Variants in MND1 observed in about 807,000 individuals in gnomAD.
MND1 encodes meiotic nuclear division protein 1 homolog.
Under a neutral mutation model 35.1 loss-of-function variants are expected in MND1, and 28 were observed. The observed-to-expected ratio is 0.80, with a 90% CI of 0.59 to 1.09. The LOEUF (loss-of-function observed/expected upper bound fraction) is 1.09, where lower values mean the gene tolerates loss of function less well. Ranked by LOEUF, MND1 falls within the 50% of genes least tolerant of loss-of-function variation. The pLI, the probability that MND1 is intolerant of heterozygous loss-of-function variation, is 0.00. For synonymous variants in MND1, 69 were observed against 70.5 expected (o/e 0.98, Z 0.11); for missense variants, 213 against 239.6 (o/e 0.89, Z 0.73).
chr4:153,372,395 CTT>C (rs755295842), intron 4 of MND1, among the ~76,000 whole-genome samples: 1 of 151,022 alleles, frequency 6.6e-6, no homozygotes, highest in East Asian at 1.9e-4. Context: ...TTAAAAAAAA[CTT>C]TTTATGTGTG....
intron 4 of MND1, 65 bp downstream of exon 4, chr4:153,358,687 CTT>C (rs1773406294): frequency 3.4e-6 from 5 of 1,472,804 alleles, no homozygotes; most frequent in South Asian, 1.5e-5. Flanking sequence ...ACTTCATCCT[CTT>C]TTTGTTTAGC....
intron 3 of MND1, among the ~76,000 whole-genome samples, chr4:153,357,839 A>G (rs778495254): frequency 1.3e-5 from 2 of 152,212 alleles, no homozygotes; most frequent in South Asian, 4.1e-4. Context: ...AGTTATTGAC[A>G]ATTTTTTTCT....
At chr4:153,366,056 C>T (rs1333511433) in intron 4 of MND1, among the ~76,000 whole-genome samples, 3 of 152,228 alleles carry the variant, frequency 2.0e-5, no homozygotes, top group African/African-American at 7.2e-5. Flanking sequence ...CCTCCAGAGG[C>T]TCTCTGGGAT....
intron 1 of MND1, among the ~76,000 whole-genome samples, chr4:153,346,204 G>C (rs1773073868): frequency 6.6e-6 from 1 of 152,170 alleles, no homozygotes; most frequent in African/African-American, 2.4e-5. Context: ...ATGAGTTCAG[G>C]CAATTTTTGA....
At chr4:153,377,459 A>T (rs140388691) in intron 4 of MND1, among the ~76,000 whole-genome samples, 80 of 152,308 alleles carry the variant, frequency 5.3e-4, no homozygotes, top group African/African-American at 1.9e-3. Context: ...ATGTTTAGTG[A>T]ATGCTTGCTA....
chr4:153,386,228 C>T (rs1456926310), intron 4 of MND1, among the ~76,000 whole-genome samples: 3 of 150,586 alleles, frequency 2.0e-5, no homozygotes, highest in Non-Finnish European at 4.4e-5. Flanking sequence ...TTGGTGTTCA[C>T]GCCTGTTATC....
At chr4:153,350,529 G>C (rs1010812241) in intron 2 of MND1, among the ~76,000 whole-genome samples, 4 of 152,146 alleles carry the variant, frequency 2.6e-5, no homozygotes, top group Admixed American at 1.3e-4. Flanking sequence ...ATTTCAGAGG[G>C]AGTACCAAAT....
chr4:153,346,920 G>A (rs1483727175), intron 1 of MND1, among the ~76,000 whole-genome samples: 1 of 152,184 alleles, frequency 6.6e-6, no homozygotes, highest in Non-Finnish European at 1.5e-5. Flanking sequence ...TTGCCCCGCA[G>A]CGCCCTTGAC....
chr4:153,361,292 T>C (rs949931561), intron 4 of MND1, among the ~76,000 whole-genome samples: 6 of 152,256 alleles, frequency 3.9e-5, no homozygotes, highest in African/African-American at 1.4e-4. Flanking sequence ...TATAGAATTC[T>C]TAGTTATTTT....
chr4:153,409,225 T>C (rs1044886810), intron 7 of MND1: 1 of 204,580 alleles, frequency 4.9e-6, no homozygotes, highest in Non-Finnish European at 1.0e-5. Flanking sequence ...CATAAGATAT[T>C]TTTGTAAAAC....
At chr4:153,369,478 TG>T (rs1234941357) in intron 4 of MND1, among the ~76,000 whole-genome samples, 1 of 152,250 alleles carries the variant, frequency 6.6e-6, no homozygotes, top group African/African-American at 2.4e-5. Context: ...AGAAACTTTT[TG>T]GTTTCTCAGT....
intron 4 of MND1, among the ~76,000 whole-genome samples, chr4:153,360,766 T>C (rs993780985): frequency 3.9e-4 from 53 of 137,082 alleles, no homozygotes; most frequent in African/African-American, 1.5e-3. Flanking sequence ...TATACACACA[T>C]ATACATATAC....
At chr4:153,410,822 C>G (rs898060322) in intron 7 of MND1, among the ~76,000 whole-genome samples, 1 of 152,062 alleles carries the variant, frequency 6.6e-6, no homozygotes, top group African/African-American at 2.4e-5. Flanking sequence ...GAAACACTGT[C>G]TCTACTAAAA....
chr4:153,375,017 T>G (rs1333347725), intron 4 of MND1, among the ~76,000 whole-genome samples: 4 of 152,206 alleles, frequency 2.6e-5, no homozygotes, highest in African/African-American at 7.2e-5. Flanking sequence ...AATGAATTCC[T>G]GATATAGTTA....
chr4:153,391,255 C>A (rs538639292), intron 4 of MND1, among the ~76,000 whole-genome samples: 37 of 152,010 alleles, frequency 2.4e-4, no homozygotes, highest in African/African-American at 8.7e-4. Flanking sequence ...CCTCTGCCTC[C>A]CAGGTTCAAG....
At chr4:153,367,332 A>G (rs1009760535) in intron 4 of MND1, among the ~76,000 whole-genome samples, 4 of 152,174 alleles carry the variant, frequency 2.6e-5, no homozygotes, top group African/African-American at 9.7e-5. Flanking sequence ...ACACAGATCT[A>G]GGCAACCACT....
rs745633456 is a variant in MND1, at chr4:153,358,559, T to C, written c.213T>C (p.Tyr71=). Residue 71 remains tyrosine (Y), a synonymous_variant, in exon 4 of 8, where the codon TAT becomes TAC. Transcript: ENST00000240488. The part of the protein sequence containing the change: ...DCERIGTSNY[Y]WAFPSKALHA... Reference sequence around the variant, plus strand: ...AGAGGATCGGAACTTCTAATTATTATTGGGCTTTTCCAAGTAAAGCTCTTC... The same window carrying C: ...AGAGGATCGGAACTTCTAATTATTACTGGGCTTTTCCAAGTAAAGCTCTTC... The C allele has an allele frequency of 1.2e-5, 19 of 1,613,728 alleles. No homozygotes were observed. In the East Asian group the frequency reaches 4.0e-4, roughly 34 times the overall value.
At position 153,408,959 on chromosome 4, in the gene MND1, A is replaced by AT. The variant is rs763154087; in HGVS notation, c.467-4dup. ...AAATACATTTCATTTTATATATATA[A>AT]TTTTTTTTCAGGCCAAGCAAATAAA... On this transcript the variant is annotated splice_polypyrimidine_tract_variant and intron_variant, in intron 6 of 7. Transcript: ENST00000240488. 141 of 983,740 alleles carry AT rather than the reference A, an allele frequency of 1.4e-4. No individual in the cohort carries two copies. The highest frequency in any genetic ancestry group is 8.4e-4 in the African/African-American group (46 of 55,070). The allele number at this position is 983,740 out of a possible 1,614,324, so 60.9% of individuals were successfully genotyped here.
chr4:153,347,786 G>A (rs1773108554), intron 1 of MND1, among the ~76,000 whole-genome samples: 1 of 152,070 alleles, frequency 6.6e-6, no homozygotes. Context: ...TTTAAGGATG[G>A]AAATGAGAGC....
Sources: gnomAD v4.1 joint callset for allele counts (sites outside exome capture counted in the v4.1 genomes callset) on GRCh38, gnomAD v4.1.1 for gene constraint, MANE v1.5 for transcripts, NCBI Gene and HGNC (gene_info 2026-07-23, HGNC 2026-07-21) for gene names.